The following MLC1 variants were observed in gnomAD, a reference collection of about 807,000 sequenced individuals.
The protein encoded by MLC1 is membrane protein MLC1.
In MLC1, 32 loss-of-function variants were observed where a neutral mutation model predicts 44.7. That is an observed-to-expected ratio of 0.72 (90% CI 0.54 to 0.96). The LOEUF (loss-of-function observed/expected upper bound fraction) is 0.96. Ranked by LOEUF, MLC1 falls within the 40% of genes least tolerant of loss-of-function variation. The probability of loss-of-function intolerance (pLI) is 0.00; values close to 1 mark genes in which losing one functional copy is unlikely to be tolerated. For missense variants in MLC1, 459 were observed against 492.2 expected, an observed-to-expected ratio of 0.93 and a Z score of 0.64; for synonymous variants, 190 against 213.0, an observed-to-expected ratio of 0.89 and a Z score of 0.94.
At position 50,059,441 on chromosome 22, in the gene MLC1, G is replaced by A. The variant is rs2061520799; in HGVS notation, c.*2142C>T. The A allele has an allele frequency of 6.6e-6, 1 of 152,340 alleles. No homozygotes were observed. Among genetic ancestry groups the A allele is most frequent in the Admixed American group, 6.5e-5 (1 of 15,280 alleles). The allele number at this position is 152,340 out of a possible 1,614,324, so 9.4% of individuals were successfully genotyped here. On this transcript the variant is annotated 3_prime_UTR_variant, in exon 12 of 12. Transcript: ENST00000311597. The stretch of plus-strand genomic sequence containing the variant: ...CTCAAGCGTATTAAACAAAAATGTA[G>A]ACTGAAAGAGACAGTTCTTTTAAAC...
At chr22:50,064,314 GC>G in intron 10 of MLC1, 116 bp from the exon 11 acceptor site, 1 of 1,293,846 alleles carries the variant, frequency 7.7e-7, no homozygotes, top group Non-Finnish European at 1.1e-6. Context: ...TCGAGTCGGA[GC>G]CCCAGTAACC....
At chr22:50,080,144 T>C (rs1185280880) in intron 4 of MLC1, 125 bp from the exon 5 acceptor site, 5 of 1,015,384 alleles carry the variant, frequency 4.9e-6, no homozygotes, top group Admixed American at 2.0e-5. Flanking sequence ...TGGGGAGTCC[T>C]GCGTGCTCAG....
intron 5 of MLC1, among the ~76,000 whole-genome samples, chr22:50,079,641 T>G (rs1418523133): frequency 2.0e-5 from 3 of 151,694 alleles, no homozygotes; most frequent in Non-Finnish European, 4.4e-5. Flanking sequence ...ACAACTGTCT[T>G]ACACAGATTG....
rs201522059 is a variant in MLC1, at chr22:50,084,827, C to A, written c.76G>T (p.Ala26Ser). ...GGCTTCGCGTCTGGGGCATAGCTGG[C>A]GGGGTCTTGCCGGCCCCGCTCCAGC... ...PTLERGRQDPASYAPDAKPSD... is the reference protein window; with the variant it reads ...PTLERGRQDPSSYAPDAKPSD... Residue 26 changes from alanine (A) to serine (S), a missense_variant, in exon 2 of 12, where the codon GCC (alanine) becomes TCC (serine). Coordinates refer to ENST00000311597, the MANE Select transcript of MLC1 (RefSeq NM_015166.4). The A allele has an allele frequency of 3.1e-6, 5 of 1,613,812 alleles. No individual in the cohort carries two copies. The Admixed American group carries it at 5.0e-5, about 16-fold the overall frequency.
chr22:50,073,047 GTT>G (rs1287045901), intron 8 of MLC1, among the ~76,000 whole-genome samples: 40 of 151,668 alleles, frequency 2.6e-4, no homozygotes, highest in South Asian at 4.2e-4. Flanking sequence ...CGGCCACACC[GTT>G]CCCGGGCAGG....
chr22:50,081,009 A>AAAAAGAAAGAAAGAAAGAAAGAAAGAAAG (rs1555967993), intron 3 of MLC1, among the ~76,000 whole-genome samples: 1 of 96,820 alleles, frequency 1.0e-5, no homozygotes, highest in East Asian at 2.8e-4. Flanking sequence ...TTGTCTCAAA[A>AAAAAGAAAGAAAGAAAGAAAGAAAGAAAG]AAAGAAAGAA....
intron 5 of MLC1, among the ~76,000 whole-genome samples, chr22:50,079,172 T>A (rs2062053965): frequency 6.6e-6 from 1 of 151,848 alleles, no homozygotes; most frequent in South Asian, 2.1e-4. Context: ...TAATCCCAGC[T>A]ACTCCAGAGG....
At chr22:50,077,538 G>T in intron 5 of MLC1, 36 bp from the exon 6 acceptor site, 1 of 1,554,594 alleles carries the variant, frequency 6.4e-7, no homozygotes, top group Non-Finnish European at 8.9e-7. Context: ...CACCGGGCCC[G>T]CCTTTCTCAC....
chr22:50,084,691 G>T (rs201208853), intron 2 of MLC1, 35 bp downstream of exon 2: 21 of 1,608,562 alleles, frequency 1.3e-5, no homozygotes, highest in Non-Finnish European at 1.8e-5. Flanking sequence ...CCAGATGCTC[G>T]TGGCCCTCCA....
chr22:50,070,381 C>A, intron 9 of MLC1, 146 bp downstream of exon 9: 1 of 830,000 alleles, frequency 1.2e-6, no homozygotes, highest in South Asian at 1.4e-5. Flanking sequence ...CCCACAACCC[C>A]ACCTTCCTCA....
intron 3 of MLC1, among the ~76,000 whole-genome samples, chr22:50,081,474 G>T (rs2062140451): frequency 6.6e-6 from 1 of 152,280 alleles, no homozygotes. Context: ...TGTCCCCACA[G>T]GGCCACACCA....
In MLC1 at chr22:50,079,966, A is replaced by G; in HGVS notation, c.375T>C (p.Cys125=). The part of the protein sequence containing the change: ...FVSTFAVTTT[C]LIWFGCKLVL... ...CTAGTTTGCATCCAAACCAAATTAA[A>G]CACGTAGTGGTCACAGCAAACGTGG... The change falls in exon 5 of 12, where the codon TGT becomes TGC. Residue 125 remains cysteine (C), a synonymous_variant. Coordinates refer to ENST00000311597, the MANE Select transcript of MLC1 (RefSeq NM_015166.4). 6.2e-7 allele frequency: 1 copy of G among 1,614,218 alleles called. No homozygotes were observed. The highest frequency in any genetic ancestry group is 8.5e-7 in the Non-Finnish European group (1 of 1,180,014).
chr22:50,061,123 T>C lies in MLC1; in HGVS notation c.*460A>G. 4.4e-6 allele frequency: 1 copy of C among 228,826 alleles called. No homozygotes were observed. Among genetic ancestry groups the C allele is most frequent in the Non-Finnish European group, 8.9e-6 (1 of 112,714 alleles). The allele number at this position is 228,826 out of a possible 1,614,324, so 14.2% of individuals were successfully genotyped here. A position where few individuals can be genotyped will look rare whatever the true frequency, so the allele number is the denominator to read the frequency against. On this transcript the variant is annotated 3_prime_UTR_variant, in exon 12 of 12. Coordinates refer to ENST00000311597, the MANE Select transcript of MLC1 (RefSeq NM_015166.4). ...GGAAGTGGGTAAGATCCCACTGGGC[T>C]GACTGAGTACCCGGGACAGACCCTA...
chr22:50,080,499 C>T, intron 3 of MLC1, 102 bp from the exon 4 acceptor site: 1 of 1,288,516 alleles, frequency 7.8e-7, no homozygotes, highest in Non-Finnish European at 1.1e-6. Flanking sequence ...GAATCATATT[C>T]ACAAAACAGT....
intron 9 of MLC1, 72 bp from the exon 10 acceptor site, chr22:50,068,627 C>T: frequency 2.6e-6 from 2 of 760,980 alleles, no homozygotes; most frequent in Non-Finnish European, 4.2e-6. Flanking sequence ...GTGGCCAGGG[C>T]TGGGGGGGCG....
intron 8 of MLC1, 115 bp from the exon 9 acceptor site, chr22:50,070,698 TG>T (rs912942390): frequency 6.0e-6 from 7 of 1,168,136 alleles, no homozygotes; most frequent in South Asian, 1.3e-5. Flanking sequence ...TGGCTTGCTG[TG>T]GGGGGCAGGG....
At position 50,080,028 on chromosome 22, in the gene MLC1, C is replaced by T. The variant is rs764870682; in HGVS notation, c.322-9G>A. On this transcript the variant is annotated splice_polypyrimidine_tract_variant and intron_variant, in intron 4 of 11. Coordinates refer to ENST00000311597, the MANE Select transcript of MLC1 (RefSeq NM_015166.4). ...ATCTGAAAGTTGGGAATCTGAAAAACAAGGCAGGAGGGGTTTTCCTTCTTT... is the reference window on the plus strand; with the variant it reads ...ATCTGAAAGTTGGGAATCTGAAAAATAAGGCAGGAGGGGTTTTCCTTCTTT... 6.2e-7 allele frequency: 1 copy of T among 1,601,956 alleles called. No individual in the cohort carries two copies. The highest frequency in any genetic ancestry group is 8.6e-7 in the Non-Finnish European group (1 of 1,168,896).
At chr22:50,068,298 G>C in intron 10 of MLC1, 135 bp downstream of exon 10, 7 of 1,326,298 alleles carry the variant, frequency 5.3e-6, no homozygotes, top group Non-Finnish European at 6.3e-6. Context: ...CGCTGCCCAG[G>C]AACAGCGGAG....
intron 11 of MLC1, among the ~76,000 whole-genome samples, chr22:50,063,528 G>C (rs73183370): frequency 0.24 from 36,235 of 151,544 alleles, 5,385 homozygotes; most frequent in Non-Finnish European, 0.33. Context: ...GGTTTTTCTG[G>C]GGTGTTTTTA....
Sources: gnomAD v4.1 joint callset for allele counts (sites outside exome capture counted in the v4.1 genomes callset) on GRCh38, gnomAD v4.1.1 for gene constraint, MANE v1.5 for transcripts, NCBI Gene and HGNC (gene_info 2026-07-23, HGNC 2026-07-21) for gene names.